Variants in APOL1 observed in about 807,000 individuals in gnomAD.
APOL1 encodes apolipoprotein L1.
Under a neutral mutation model 14.9 loss-of-function variants are expected in APOL1, and 17 were observed. The observed-to-expected ratio is 1.14, with a 90% CI of 0.78 to 1.71. The LOEUF (loss-of-function observed/expected upper bound fraction) is 1.71. APOL1 is among the 40% of genes most tolerant of loss of function. The pLI, the probability that APOL1 is intolerant of heterozygous loss-of-function variation, is 0.00. For missense variants in APOL1, 523 were observed against 485.9 expected (o/e 1.08, Z -0.72); for synonymous variants, 195 against 184.8 (o/e 1.05, Z -0.45).
intron 3 of APOL1, 66 bp from the exon 4 acceptor site, chr22:36,257,253 A>G: frequency 6.2e-7 from 1 of 1,604,060 alleles, no homozygotes; most frequent in Non-Finnish European, 8.5e-7. Flanking sequence ...CGGCTGCTCA[A>G]GCAAGCCTCC....
At chr22:36,258,990 T>TG (rs2015990991) in intron 4 of APOL1, among the ~76,000 whole-genome samples, 1 of 152,096 alleles carries the variant, frequency 6.6e-6, no homozygotes, top group African/African-American at 2.4e-5. Context: ...TCCCTACAGG[T>TG]GGTTTCAGCA....
rs2016308490 is a variant in APOL1 at position 36,267,393 on chromosome 22, C to T, written c.*1360C>T. 1.3e-5 allele frequency: 2 copies of T among 152,190 alleles called. No homozygotes were observed. The highest frequency in any genetic ancestry group is 6.5e-5 in the Admixed American group (1 of 15,278). The allele number at this position is 152,190 out of a possible 1,614,324, so 9.4% of individuals were successfully genotyped here. On this transcript the variant is annotated 3_prime_UTR_variant, in exon 6 of 6. Transcript: ENST00000397278. ...TGAAAACAGTCCCATCGCTCTTACC[C>T]GGTAAGTAAACAGTCAGAAAATTAG...
intron 4 of APOL1, among the ~76,000 whole-genome samples, chr22:36,260,186 A>G (rs1049257230): frequency 6.6e-6 from 1 of 152,214 alleles, no homozygotes; most frequent in Admixed American, 6.5e-5. Flanking sequence ...CAAGGTCAGG[A>G]GATCGAGACG....
At position 36,261,608 on chromosome 22, in the gene APOL1, T is replaced by C. The variant is rs1259485837; in HGVS notation, c.200T>C (p.Phe67Ser). 2 of 1,613,260 alleles carry C rather than the reference T, an allele frequency of 1.2e-6. No individual in the cohort carries two copies. The highest frequency in any genetic ancestry group is 3.3e-5 in the Admixed American group (2 of 59,980). Residue 67 changes from phenylalanine (F) to serine (S), a missense_variant, in exon 5 of 6, where the codon TTT (phenylalanine) becomes TCT (serine). Physicochemically the swap from Phe to Ser is radical, Grantham distance 155. Transcript: ENST00000397278. ...AGTMDPESSI[F>S]IEDAIKYFKE... is the part of the protein sequence containing the mutation. Reference sequence around the variant, plus strand: ...TCTTTCCAACTAGAGAGCAGTATCTTTATTGAGGATGCCATTAAGTATTTC... The same window carrying C: ...TCTTTCCAACTAGAGAGCAGTATCTCTATTGAGGATGCCATTAAGTATTTC...
At chr22:36,256,118 T>C (rs7284919) in intron 2 of APOL1, among the ~76,000 whole-genome samples, 19,798 of 152,284 alleles carry the variant, frequency 0.13, 1,361 homozygotes, top group Non-Finnish European at 0.16. Context: ...TTAAATTTTG[T>C]ACTAATTGGT....
chr22:36,259,234 G>C (rs2146301967), intron 4 of APOL1, among the ~76,000 whole-genome samples: 1 of 152,274 alleles, frequency 6.6e-6, no homozygotes, highest in East Asian at 1.9e-4. Flanking sequence ...GAATGTTTCA[G>C]GGCTGGTTTT....
At chr22:36,260,396 C>A (rs136156) in intron 4 of APOL1, among the ~76,000 whole-genome samples, 103,145 of 149,470 alleles carry the variant, frequency 0.69, 37,780 homozygotes, top group South Asian at 0.82. Flanking sequence ...CTCCATCCCC[C>A]CAAAAAAAAG....
At position 36,266,853 on chromosome 22, in the gene APOL1, C is replaced by T. The variant is rs963532323; in HGVS notation, c.*820C>T. On this transcript the variant is annotated 3_prime_UTR_variant, in exon 6 of 6. Transcript: ENST00000397278. The stretch of plus-strand genomic sequence containing the variant: ...CTGGGAGGTGGAGCTTGCAGTGAGC[C>T]GAGATATCGCCACTGCACTCCAGCC... The T allele has an allele frequency of 1.2e-4, 29 of 241,262 alleles. 1 individual carries two copies. The highest frequency in any genetic ancestry group is 1.9e-4 in the Non-Finnish European group (24 of 127,490). The allele number at this position is 241,262 out of a possible 1,614,324, so 14.9% of individuals were successfully genotyped here. A position where few individuals can be genotyped will look rare whatever the true frequency, so the allele number is the denominator to read the frequency against.
At chr22:36,259,847 C>T (rs991065734) in intron 4 of APOL1, 1 of 1,304,126 alleles carries the variant, frequency 7.7e-7, no homozygotes. Flanking sequence ...GGAGGAATCT[C>T]CTTTGCATGG....
Position 36,265,885 on chromosome 22 carries a change from T to A in APOL1, c.1049T>A (p.Val350Asp). Reference protein sequence around the residue: ...PVSFFLVLDVVYLVYESKHLH... With the variant: ...PVSFFLVLDVDYLVYESKHLH... ...AGCTTCTTTCTTGTGCTGGATGTAGTCTACCTCGTGTACGAATCAAAGCAC... is the reference window on the plus strand; with the variant it reads ...AGCTTCTTTCTTGTGCTGGATGTAGACTACCTCGTGTACGAATCAAAGCAC... The change falls in exon 6 of 6, where the codon GTC becomes GAC. Residue 350 changes from valine (V) to aspartate (D), a missense_variant. By Grantham distance (152) the Val-to-Asp change is radical. Coordinates refer to ENST00000397278, the MANE Select transcript of APOL1 (RefSeq NM_003661.4). 1 of 1,614,104 alleles carries A rather than the reference T, an allele frequency of 6.2e-7. No homozygotes were observed. Among genetic ancestry groups the A allele is most frequent in the Non-Finnish European group, 8.5e-7 (1 of 1,180,024 alleles).
intron 4 of APOL1, among the ~76,000 whole-genome samples, chr22:36,259,124 A>C (rs1468628446): frequency 6.6e-6 from 1 of 152,200 alleles, no homozygotes; most frequent in Non-Finnish European, 1.5e-5. Context: ...TGTATCTAAC[A>C]GAAGTACCCA....
At chr22:36,253,321 G>A (rs576109527) in intron 1 of APOL1, 102 bp downstream of exon 1, 19 of 262,868 alleles carry the variant, frequency 7.2e-5, no homozygotes, top group Non-Finnish European at 1.1e-4. Flanking sequence ...GGAAAGTAGC[G>A]GCAAAGCCTG....
rs2016225115 is a variant in APOL1 at position 36,265,681 on chromosome 22, A to G, written c.845A>G (p.Asp282Gly). ...TYQLTRGIGK[D>G]IRALRRARAN... ...CAACTCACACGAGGCATTGGGAAGGACATCCGTGCCCTCAGACGAGCCAGA... is the reference window on the plus strand; with the variant it reads ...CAACTCACACGAGGCATTGGGAAGGGCATCCGTGCCCTCAGACGAGCCAGA... The change falls in exon 6 of 6, where the codon GAC becomes GGC. Residue 282 changes from aspartate to glycine, a missense_variant. Transcript: ENST00000397278. 1 of 1,606,026 alleles carries G rather than the reference A, an allele frequency of 6.2e-7. No individual in the cohort carries two copies.
At chr22:36,261,549 C>G in intron 4 of APOL1, 47 bp from the exon 5 acceptor site, 1 of 1,574,708 alleles carries the variant, frequency 6.4e-7, no homozygotes, top group Non-Finnish European at 8.7e-7. Context: ...GGCTGTTATG[C>G]ACTCCCACAC....
At chr22:36,260,312 A>G (rs944587411) in intron 4 of APOL1, among the ~76,000 whole-genome samples, 4 of 152,118 alleles carry the variant, frequency 2.6e-5, no homozygotes, top group African/African-American at 7.2e-5. Flanking sequence ...GGAGAATGGC[A>G]TGAACCCAGG....
chr22:36,257,443 C>T lies in APOL1; in HGVS notation c.187+36C>T, dbSNP rs369362013. 57 of 1,584,916 alleles carry T rather than the reference C, an allele frequency of 3.6e-5. 1 individual carries two copies. In the Admixed American group the frequency reaches 6.2e-4, roughly 17 times the overall value. ...CTCCTCTTCCCTGCTGGTTCCTACT[C>T]GCACTTAGAATGGAGGGTGGCACCT... On this transcript the variant is annotated intron_variant, in intron 4 of 5. Transcript: ENST00000397278.
At chr22:36,253,703 A>T (rs757689902) in intron 1 of APOL1, 4 of 545,076 alleles carry the variant, frequency 7.3e-6, no homozygotes, top group South Asian at 2.2e-5. Context: ...TCTGAGCACC[A>T]ACTTGTGCCA....
chr22:36,260,036 C>G, intron 4 of APOL1: 1 of 878,830 alleles, frequency 1.1e-6, no homozygotes, highest in South Asian at 2.0e-5. Context: ...AAATCCTGAG[C>G]TTCCTGCTTG....
At chr22:36,259,687 G>A in intron 4 of APOL1, 1 of 1,303,410 alleles carries the variant, frequency 7.7e-7, no homozygotes, top group South Asian at 1.2e-5. Flanking sequence ...GGGTCCAGAG[G>A]TGACAGTGGA....
Sources: gnomAD v4.1 joint callset for allele counts (sites outside exome capture counted in the v4.1 genomes callset) on GRCh38, gnomAD v4.1.1 for gene constraint, MANE v1.5 for transcripts, NCBI Gene and HGNC (gene_info 2026-07-23, HGNC 2026-07-21) for gene names.